Variants in RYR2 observed in about 807,000 individuals in gnomAD.
RYR2 encodes cardiac muscle ryanodine receptor-calcium release channel.
A neutral mutation model predicts 601.1 loss-of-function variants in RYR2; 227 were observed. That is an observed-to-expected ratio of 0.38 (90% CI 0.34 to 0.42). RYR2 has a LOEUF of 0.42. RYR2 is among the 10% of genes least tolerant of loss of function. RYR2 has a pLI of 1.00. For missense variants in RYR2, 4,646 were observed against 6,156.5 expected (o/e 0.75, Z 8.21); for synonymous variants, 2,223 against 2,175.1 (o/e 1.02, Z -0.61).
intron 24 of RYR2, among the ~76,000 whole-genome samples, chr1:237,519,981 T>C (rs1036010883): frequency 1.2e-4 from 19 of 152,186 alleles, no homozygotes; most frequent in African/African-American, 3.4e-4. Context: ...GTTTCTCTTG[T>C]ACAGATCTTG....
At chr1:237,485,723 T>G (rs1400367429) in intron 17 of RYR2, among the ~76,000 whole-genome samples, 1 of 152,160 alleles carries the variant, frequency 6.6e-6, no homozygotes, top group Non-Finnish European at 1.5e-5. Flanking sequence ...GCTTAATAAA[T>G]ATATATGATT....
intron 10 of RYR2, among the ~76,000 whole-genome samples, chr1:237,393,537 C>T (rs1702566116): frequency 6.6e-6 from 1 of 152,152 alleles, no homozygotes; most frequent in Admixed American, 6.5e-5. Flanking sequence ...TTGGCCACCA[C>T]CTAGGAGGAA....
intron 3 of RYR2, among the ~76,000 whole-genome samples, chr1:237,342,931 A>G (rs763162130): frequency 3.9e-5 from 6 of 152,216 alleles, no homozygotes; most frequent in Admixed American, 3.3e-4. Flanking sequence ...AAAGTAGGCC[A>G]GGCGCTGTGG....
At chr1:237,262,838 G>T in intron 1 of RYR2, among the ~76,000 whole-genome samples, 1 of 151,576 alleles carries the variant, frequency 6.6e-6, no homozygotes, top group East Asian at 1.9e-4. Context: ...GCCTAAACCT[G>T]GAAAAAAATC....
intron 12 of RYR2, among the ~76,000 whole-genome samples, chr1:237,432,960 A>G (rs1706978620): frequency 6.6e-6 from 1 of 151,246 alleles, no homozygotes; most frequent in Non-Finnish European, 1.5e-5. Flanking sequence ...CAATAACTTT[A>G]TAAGAGGAGA....
intron 13 of RYR2, among the ~76,000 whole-genome samples, chr1:237,442,854 G>A (rs918656423): frequency 4.0e-5 from 6 of 151,878 alleles, no homozygotes; most frequent in African/African-American, 1.5e-4. Context: ...GTGGCAATTT[G>A]GTATTTGTAT....
At chr1:237,492,893 G>GAGGGAGGGAGGGAAAGC in intron 18 of RYR2, 61 bp from the exon 19 acceptor site, 1 of 1,415,116 alleles carries the variant, frequency 7.1e-7, no homozygotes, top group Non-Finnish European at 9.4e-7. Flanking sequence ...GGAAGGGAGG[G>GAGGGAGGGAGGGAAAGC]AGGGAGGGAG....
At chr1:237,110,559 T>A (rs1669357411) in intron 1 of RYR2, among the ~76,000 whole-genome samples, 1 of 152,158 alleles carries the variant, frequency 6.6e-6, no homozygotes, top group Admixed American at 6.5e-5. Flanking sequence ...AATGATGGTT[T>A]CCAGTTTCAT....
At chr1:237,179,682 A>G (rs1413622983) in intron 1 of RYR2, among the ~76,000 whole-genome samples, 3 of 152,086 alleles carry the variant, frequency 2.0e-5, no homozygotes, top group African/African-American at 7.3e-5. Flanking sequence ...CTTACCACCC[A>G]TATACCAGCT....
chr1:237,135,946 T>A (rs1392388756), intron 1 of RYR2, among the ~76,000 whole-genome samples: 1 of 152,132 alleles, frequency 6.6e-6, no homozygotes, highest in Admixed American at 6.5e-5. Flanking sequence ...CCCTGGGGAG[T>A]GCTGGAGTGG....
chr1:237,618,703 T>C (rs1356330484), intron 38 of RYR2, among the ~76,000 whole-genome samples: 1 of 152,154 alleles, frequency 6.6e-6, no homozygotes, highest in Non-Finnish European at 1.5e-5. Context: ...CAGAAAAAAC[T>C]GTTCCCCACC....
chr1:237,797,167 A>C (rs1004363453), intron 96 of RYR2, among the ~76,000 whole-genome samples: 5 of 152,246 alleles, frequency 3.3e-5, no homozygotes, highest in African/African-American at 1.2e-4. Flanking sequence ...GTTGGACATA[A>C]CTGAGCTCAC....
intron 41 of RYR2, 39 bp from the exon 42 acceptor site, chr1:237,631,388 G>T (rs972579793): frequency 1.6e-6 from 2 of 1,278,686 alleles, no homozygotes; most frequent in South Asian, 1.2e-5. Context: ...TTTAGATGTT[G>T]CTCTGAGCTT....
At chr1:237,484,920 C>T (rs184340758) in intron 17 of RYR2, among the ~76,000 whole-genome samples, 142 of 152,142 alleles carry the variant, frequency 9.3e-4, no homozygotes, top group Non-Finnish European at 1.7e-3. Flanking sequence ...TTTCCTTTCT[C>T]GGGAGAACAT....
chr1:237,104,117 G>A (rs555112319), intron 1 of RYR2, among the ~76,000 whole-genome samples: 1 of 152,104 alleles, frequency 6.6e-6, no homozygotes, highest in South Asian at 2.1e-4. Flanking sequence ...CTTTCCTCTC[G>A]CCCATCCATC....
In RYR2 at chr1:237,500,749, C is replaced by G; in HGVS notation, c.2242C>G (p.Leu748Val). Residue 748 changes from leucine (L) to valine (V), a missense_variant, in exon 21 of 105, where the codon CTG becomes GTG. Leu to Val is a conservative substitution (Grantham distance 32, BLOSUM62 1). This residue lies in a region of RYR2 where 1,807 missense variants were observed against 2,088.1 expected (regional missense o/e 0.87). Transcript: ENST00000366574. ...TACTGTAAGCTCACCAAACCAACAT[C>G]TGTTAAGAACTGATGATGTCATCAG... ...ARTVSSPNQHLLRTDDVISCC... is the reference protein window; with the variant it reads ...ARTVSSPNQHVLRTDDVISCC... The G allele has an allele frequency of 1.2e-6, 2 of 1,611,382 alleles. No individual in the cohort carries two copies. The highest frequency in any genetic ancestry group is 1.7e-6 in the Non-Finnish European group (2 of 1,177,908).
At chr1:237,567,803 G>A (rs1174291330) in intron 28 of RYR2, among the ~76,000 whole-genome samples, 1 of 151,968 alleles carries the variant, frequency 6.6e-6, no homozygotes, top group Non-Finnish European at 1.5e-5. Context: ...AAGCAATCAT[G>A]AAGAGATTTG....
chr1:237,112,571 C>CAAAAAA (rs11419585), intron 1 of RYR2, among the ~76,000 whole-genome samples: 14 of 137,220 alleles, frequency 1.0e-4, no homozygotes, highest in African/African-American at 3.8e-4. Context: ...GCTACAACAT[C>CAAAAAA]AAAAAAAAAA....
At position 237,654,361 on chromosome 1, in the gene RYR2, C is replaced by T. The variant is rs1447771527; in HGVS notation, c.7912C>T (p.Leu2638Phe). ...GNFGAASEEE[L>F]HLSRKLFWGI... is the part of the protein sequence containing the mutation. ...CTTTGGTGCTGCCTCAGAAGAAGAACTTCATTTATCAAGAAAGTTGTTCTG... is the reference window on the plus strand; with the variant it reads ...CTTTGGTGCTGCCTCAGAAGAAGAATTTCATTTATCAAGAAAGTTGTTCTG... Residue 2638 changes from leucine to phenylalanine, a missense_variant, in exon 52 of 105, where the codon CTT becomes TTT. Around this residue, in one of 17 missense-constraint regions of RYR2, gnomAD observed 1,497 missense variants for 1,842.6 expected, o/e 0.81. Transcript: ENST00000366574. The T allele has an allele frequency of 6.2e-7, 1 of 1,613,938 alleles. No individual in the cohort carries two copies. The highest frequency in any genetic ancestry group is 1.1e-5 in the South Asian group (1 of 91,086).
Sources: allele counts gnomAD v4.1 joint callset (sites outside exome capture counted in the v4.1 genomes callset), GRCh38; gene constraint gnomAD v4.1.1; regional missense constraint gnomAD v4.1.1; transcripts MANE v1.5; gene names NCBI Gene and HGNC (gene_info 2026-07-23, HGNC 2026-07-21).